Variants in ZNF679 observed in about 807,000 individuals in gnomAD.
ZNF679 encodes the protein zinc finger protein 679.
A neutral mutation model predicts 13.4 loss-of-function variants in ZNF679; 10 were observed. The ratio of observed to expected loss-of-function variants is 0.75; its 90% CI spans 0.46 to 1.27. ZNF679 has a LOEUF of 1.27. Ranked by LOEUF, ZNF679 falls within the 50% of genes most tolerant of loss-of-function variation. The pLI is 0.00. For missense variants in ZNF679, 525 were observed against 477.8 expected, an observed-to-expected ratio of 1.10 and a Z score of -0.92; for synonymous variants, 179 against 162.5, an observed-to-expected ratio of 1.10 and a Z score of -0.77.
At chr7:64,257,740 G>T (rs999782084) in intron 2 of ZNF679, among the ~76,000 whole-genome samples, 2 of 152,174 alleles carry the variant, frequency 1.3e-5, no homozygotes, top group Admixed American at 1.3e-4. Flanking sequence ...GGTGGAGATT[G>T]GTTGTCTTTA....
chr7:64,246,892 G>A (rs1337607307), intron 1 of ZNF679, among the ~76,000 whole-genome samples: 1 of 152,138 alleles, frequency 6.6e-6, no homozygotes, highest in Non-Finnish European at 1.5e-5. Flanking sequence ...CAGCAGTGTG[G>A]GCTGCTCAAC....
intron 4 of ZNF679, among the ~76,000 whole-genome samples, chr7:64,265,513 T>C (rs1788132259): frequency 6.6e-6 from 1 of 152,148 alleles, no homozygotes; most frequent in South Asian, 2.1e-4. Flanking sequence ...AAGGCCTCCA[T>C]AAGCCAAAAA....
At chr7:64,242,981 T>A (rs1787818208) in intron 1 of ZNF679, among the ~76,000 whole-genome samples, 1 of 151,956 alleles carries the variant, frequency 6.6e-6, no homozygotes, top group African/African-American at 2.4e-5. Context: ...CATATGAGAG[T>A]CAGGACCTCA....
chr7:64,249,148 C>T lies in ZNF679; in HGVS notation c.31C>T (p.Arg11Ter), dbSNP rs191648017. MAKRPGSPGS[R>*]EMGLLTFRDV... ...TAAAAGACCGGGATCCCCTGGAAGC[C>T]GAGAAATGGTGAGTGCTGGGTCTGT... Residue 11 changes from arginine to a stop codon, truncating the protein, a stop_gained, in exon 2 of 5, where the codon CGA becomes TGA. Transcript: ENST00000421025. LOFTEE classifies it high-confidence loss of function. The T allele has an allele frequency of 2.5e-6, 4 of 1,614,028 alleles. No individual in the cohort carries two copies. The highest frequency in any genetic ancestry group is 1.3e-5 in the African/African-American group (1 of 74,988).
intron 2 of ZNF679, among the ~76,000 whole-genome samples, chr7:64,255,620 T>TTA (rs1787995664): frequency 6.6e-6 from 1 of 151,732 alleles, no homozygotes; most frequent in African/African-American, 2.4e-5. Context: ...TTTTTTATTT[T>TTA]TTTTTTGAGA....
chr7:64,266,219 G>T lies in ZNF679; in HGVS notation c.586G>T (p.Val196Phe), dbSNP rs765013726. The stretch of plus-strand genomic sequence containing the variant: ...AAAATATGGCAAATCATTTTGCATG[G>T]TTTCACAACTACATCAACATCAGAT... Reference protein sequence around the residue: ...CKKYGKSFCMVSQLHQHQIIH... With the variant: ...CKKYGKSFCMFSQLHQHQIIH... The change falls in exon 5 of 5, where the codon GTT becomes TTT. Residue 196 changes from valine (V) to phenylalanine (F), a missense_variant. Val to Phe is a conservative substitution (Grantham distance 50). Transcript: ENST00000421025. The T allele has an allele frequency of 4.7e-5, 74 of 1,579,974 alleles. No homozygotes were observed. The highest frequency in any genetic ancestry group is 9.3e-5 in the Admixed American group (5 of 53,848).
intron 1 of ZNF679, among the ~76,000 whole-genome samples, chr7:64,244,739 T>G (rs1311428240): frequency 6.6e-6 from 1 of 152,206 alleles, no homozygotes; most frequent in African/African-American, 2.4e-5. Context: ...GGGCTGCCAC[T>G]GTGAGACAGC....
At chr7:64,238,726 T>C (rs1010594482) in intron 1 of ZNF679, among the ~76,000 whole-genome samples, 2 of 152,166 alleles carry the variant, frequency 1.3e-5, no homozygotes, top group African/African-American at 2.4e-5. Context: ...CATACCTACA[T>C]ATAAATTTAT....
chr7:64,236,922 G>GAAGAAAGAAAGAAAGAAAGAAAGA (rs1290345784), intron 1 of ZNF679, among the ~76,000 whole-genome samples: 65 of 85,396 alleles, frequency 7.6e-4, no homozygotes, highest in Non-Finnish European at 1.0e-3. Context: ...AAGAAAGAAA[G>GAAGAAAGAAAGAAAGAAAGAAAGA]AAGAAAGAAA....
intron 1 of ZNF679, among the ~76,000 whole-genome samples, chr7:64,246,343 C>G (rs1787869406): frequency 6.6e-6 from 1 of 152,152 alleles, no homozygotes; most frequent in Admixed American, 6.5e-5. Flanking sequence ...GTTTCCTTAG[C>G]ATCATCCTTT....
intron 1 of ZNF679, among the ~76,000 whole-genome samples, chr7:64,243,706 T>C (rs1787830265): frequency 6.6e-6 from 1 of 152,146 alleles, no homozygotes; most frequent in Non-Finnish European, 1.5e-5. Flanking sequence ...AATCTAAGTA[T>C]ATTTCACAAT....
intron 2 of ZNF679, among the ~76,000 whole-genome samples, chr7:64,251,138 C>A (rs1039419666): frequency 6.6e-6 from 1 of 151,964 alleles, no homozygotes; most frequent in Non-Finnish European, 1.5e-5. Context: ...AAAAGTTTCC[C>A]GTTTATAAAT....
chr7:64,233,192 C>A (rs4717179), intron 1 of ZNF679, among the ~76,000 whole-genome samples: 28 of 150,966 alleles, frequency 1.9e-4, no homozygotes, highest in African/African-American at 6.6e-4. Flanking sequence ...GAGCCAAGAT[C>A]GCCCCACTGC....
intron 2 of ZNF679, among the ~76,000 whole-genome samples, chr7:64,258,718 G>A (rs2115593838): frequency 6.8e-6 from 1 of 147,042 alleles, no homozygotes; most frequent in African/African-American, 2.5e-5. Flanking sequence ...AAAAAAAAAT[G>A]CAGTGTCCAC....
chr7:64,247,459 A>G (rs375382815), intron 1 of ZNF679, among the ~76,000 whole-genome samples: 55 of 152,366 alleles, frequency 3.6e-4, no homozygotes, highest in African/African-American at 1.3e-3. Context: ...AAAAATGTAT[A>G]TGCTTTATTA....
At chr7:64,251,040 T>C (rs374870863) in intron 2 of ZNF679, among the ~76,000 whole-genome samples, 2 of 152,340 alleles carry the variant, frequency 1.3e-5, no homozygotes, top group African/African-American at 2.4e-5. Context: ...TCCTTTCTTA[T>C]ATGTTTCAGA....
At chr7:64,247,680 A>G (rs1252908803) in intron 1 of ZNF679, among the ~76,000 whole-genome samples, 1 of 151,908 alleles carries the variant, frequency 6.6e-6, no homozygotes, top group Admixed American at 6.6e-5. Flanking sequence ...CAGCCTCCCA[A>G]ATAGCTGATT....
At chr7:64,243,989 A>G (rs1403123602) in intron 1 of ZNF679, among the ~76,000 whole-genome samples, 2 of 152,112 alleles carry the variant, frequency 1.3e-5, no homozygotes, top group African/African-American at 2.4e-5. Context: ...CGGTGGCTCA[A>G]GTCTGTAATC....
intron 1 of ZNF679, among the ~76,000 whole-genome samples, chr7:64,234,662 A>G (rs991182143): frequency 3.3e-5 from 5 of 152,186 alleles, no homozygotes; most frequent in Admixed American, 6.5e-5. Flanking sequence ...ATAGAGCCCA[A>G]CGGAGTCTTC....
Sources: gnomAD v4.1 joint callset for allele counts (sites outside exome capture counted in the v4.1 genomes callset) on GRCh38, gnomAD v4.1.1 for gene constraint, MANE v1.5 for transcripts, NCBI Gene and HGNC (gene_info 2026-07-23, HGNC 2026-07-21) for gene names.